The following AMPD3 variants were observed in gnomAD, a reference collection of about 807,000 sequenced individuals.
The protein encoded by AMPD3 is adenosine monophosphate deaminase 3.
AMPD3 carries 57 observed loss-of-function variants against 82.3 expected under a neutral mutation model. The observed-to-expected ratio is 0.69, with a 90% CI of 0.56 to 0.86. The LOEUF is 0.86. Among genes scored for constraint, AMPD3 ranks in the 40% least tolerant of loss-of-function variants. The pLI, the probability that AMPD3 is intolerant of heterozygous loss-of-function variation, is 0.00. For synonymous variants in AMPD3, 381 were observed against 394.7 expected, an observed-to-expected ratio of 0.97 and a Z score of 0.41; for missense variants, 870 against 1,003.8, an observed-to-expected ratio of 0.87 and a Z score of 1.80.
At chr11:10,473,525 G>A in intron 2 of AMPD3, 1 of 985,288 alleles carries the variant, frequency 1.0e-6, no homozygotes, top group Non-Finnish European at 1.2e-6. Context: ...AGAGACAGAG[G>A]GTGGGGCTGT....
chr11:10,472,876 T>C (rs1053803095), intron 2 of AMPD3, among the ~76,000 whole-genome samples: 1 of 151,758 alleles, frequency 6.6e-6, no homozygotes, highest in Non-Finnish European at 1.5e-5. Context: ...TGGTGGCACA[T>C]GTCTGTAATC....
upstream of AMPD3, chr11:10,451,106 C>A (rs1591430117): frequency 4.5e-6 from 7 of 1,541,942 alleles, no homozygotes; most frequent in East Asian, 1.7e-4. Context: ...GCGGCCCAGG[C>A]GGGAATCAGC....
intron 2 of AMPD3, chr11:10,478,099 A>G (rs1478150280): frequency 1.0e-6 from 1 of 985,252 alleles, no homozygotes; most frequent in Non-Finnish European, 1.2e-6. Context: ...GAGACCGTTC[A>G]TATGTTGGGA....
At chr11:10,487,495 C>A (rs1330294634) in intron 6 of AMPD3, 131 bp downstream of exon 6, 2 of 1,294,818 alleles carry the variant, frequency 1.5e-6, no homozygotes, top group East Asian at 4.7e-5. Context: ...GCCTTCGTGG[C>A]CAGAGGGGTA....
upstream of AMPD3, among the ~76,000 whole-genome samples, chr11:10,454,076 T>C (rs1848026905): frequency 6.6e-6 from 1 of 152,220 alleles, no homozygotes; most frequent in Admixed American, 6.5e-5. Context: ...TTGGGATCAG[T>C]GCTCTTCAGT....
intron 4 of AMPD3, chr11:10,484,467 G>T: frequency 1.0e-6 from 1 of 985,302 alleles, no homozygotes; most frequent in Non-Finnish European, 1.2e-6. Context: ...CTGAAGTGCC[G>T]AGGAAAATGA....
chr11:10,488,432 C>A (rs146329220), intron 6 of AMPD3: 892 of 984,492 alleles, frequency 9.1e-4, no homozygotes, highest in Non-Finnish European at 1.0e-3. Flanking sequence ...GGTAGAGGCA[C>A]GTGATGTGCA....
At chr11:10,499,308 G>A (rs982431407) in intron 10 of AMPD3, 7 of 152,300 alleles carry the variant, frequency 4.6e-5, no homozygotes, top group African/African-American at 1.4e-4. Context: ...CCACCTCCGG[G>A]GTTCAAGTGA....
At chr11:10,464,434 C>A (rs1848359527) in intron 2 of AMPD3, among the ~76,000 whole-genome samples, 1 of 152,224 alleles carries the variant, frequency 6.6e-6, no homozygotes, top group Admixed American at 6.5e-5. Context: ...TCTTTTGAAT[C>A]TAGACCCCAC....
intron 2 of AMPD3, among the ~76,000 whole-genome samples, chr11:10,462,824 G>T (rs78871708): frequency 6.6e-6 from 1 of 152,200 alleles, no homozygotes; most frequent in Non-Finnish European, 1.5e-5. Flanking sequence ...ATGCTTCAGG[G>T]TATAAAGAAG....
rs747769812 is a variant in AMPD3 at position 10,456,346 on chromosome 11, C to A, written c.-6+898C>A. The A allele has an allele frequency of 6.2e-7, 1 of 1,613,350 alleles. No homozygotes were observed. Among genetic ancestry groups the A allele is most frequent in the Non-Finnish European group, 8.5e-7 (1 of 1,179,498 alleles). ...GCCTCCTGGGTGGCAGGCAGCACCT[C>A]ACCCGGGTGCATCACTTGAGTGGCA... On this transcript the variant is annotated intron_variant, in intron 1 of 14. Coordinates refer to ENST00000396553, the MANE Select transcript of AMPD3 (RefSeq NM_001025389.2). The surrounding 1 kb of genome is among the most constrained non-coding windows in gnomAD (Gnocchi z 4.3).
Position 10,475,137 on chromosome 11 carries a change from C to T in AMPD3, c.222-3389C>T, listed in dbSNP as rs547911868. Among the ~76,000 whole-genome samples, 3 of 152,280 alleles carry T rather than the reference C, an allele frequency of 2.0e-5. No individual in the cohort carries two copies. In the South Asian group the frequency reaches 6.2e-4, roughly 32 times the overall value. On this transcript the variant is annotated intron_variant, in intron 2 of 14. Transcript: ENST00000396553. ...CTGCTTCTGAGGAAGCCTCAGGGAA[C>T]TTTGACTCATGGTGAAGGCAAAGCA...
At chr11:10,495,791 C>T in intron 9 of AMPD3, 58 bp downstream of exon 9, 2 of 1,605,994 alleles carry the variant, frequency 1.2e-6, no homozygotes, top group Non-Finnish European at 1.7e-6. Flanking sequence ...ATCTGTCCCT[C>T]ATGGGCTGCT....
At chr11:10,466,364 T>C (rs1001908454) in intron 2 of AMPD3, among the ~76,000 whole-genome samples, 2 of 152,096 alleles carry the variant, frequency 1.3e-5, no homozygotes, top group African/African-American at 4.8e-5. Context: ...GGGAGGGTCG[T>C]TGGCCATTGC....
At chr11:10,450,421 G>T (rs1847931621), upstream of AMPD3, 6 of 986,068 alleles carry the variant, frequency 6.1e-6, no homozygotes, top group Non-Finnish European at 7.2e-6. Context: ...ATGCTTGCGG[G>T]TTGCTGCAAC....
upstream of AMPD3, chr11:10,450,523 CG>C (rs1301720493): frequency 3.5e-5 from 35 of 985,956 alleles, no homozygotes; most frequent in African/African-American, 5.6e-4. Flanking sequence ...CGGGCAAGCC[CG>C]GGCGGCACGG....
chr11:10,472,011 A>C (rs1202079565), intron 2 of AMPD3, among the ~76,000 whole-genome samples: 1 of 152,228 alleles, frequency 6.6e-6, no homozygotes, highest in Non-Finnish European at 1.5e-5. Context: ...TTATTGCAGC[A>C]CTATCCACAA....
chr11:10,502,180 C>G, intron 12 of AMPD3: 1 of 985,434 alleles, frequency 1.0e-6, no homozygotes, highest in Non-Finnish European at 1.2e-6. Flanking sequence ...CTCCCTTTCC[C>G]TGATCCCGGT....
intron 2 of AMPD3, among the ~76,000 whole-genome samples, chr11:10,465,927 C>T (rs1848408666): frequency 6.6e-6 from 1 of 150,508 alleles, no homozygotes; most frequent in Admixed American, 6.7e-5. Context: ...GCCAAGTGGT[C>T]TGGCTTGGCA....
Sources: allele counts gnomAD v4.1 joint callset (sites outside exome capture counted in the v4.1 genomes callset), GRCh38; gene constraint gnomAD v4.1.1; non-coding constraint Gnocchi (gnomAD v3.1); transcripts MANE v1.5; gene names NCBI Gene and HGNC (gene_info 2026-07-23, HGNC 2026-07-21).